The following MPP2 variants were observed in gnomAD, a reference collection of about 807,000 sequenced individuals.
The protein encoded by MPP2 is MAGUK p55 scaffold protein 2, also known as MAGUK p55 subfamily member 2.
In MPP2, 42 loss-of-function variants were observed where a neutral mutation model predicts 58.5. That is an observed-to-expected ratio of 0.72 (90% CI 0.56 to 0.93). The LOEUF (loss-of-function observed/expected upper bound fraction) is 0.93, where lower values mean the gene tolerates loss of function less well. MPP2 is among the 40% of genes least tolerant of loss of function. The probability of loss-of-function intolerance (pLI) is 0.00; values close to 1 mark genes in which losing one functional copy is unlikely to be tolerated. For synonymous variants in MPP2, 300 were observed against 307.8 expected, an observed-to-expected ratio of 0.97 and a Z score of 0.26; for missense variants, 632 against 760.4, an observed-to-expected ratio of 0.83 and a Z score of 1.99.
chr17:43,900,293 C>CGTCA (rs367703015), intron 2 of MPP2, among the ~76,000 whole-genome samples: 28 of 152,294 alleles, frequency 1.8e-4, no homozygotes, highest in African/African-American at 6.5e-4. Flanking sequence ...AGATTCCCTC[C>CGTCA]GTTATCTAGG....
chr17:43,879,763 A>G lies in MPP2; in HGVS notation c.1353+19T>C. 6.2e-7 allele frequency: 1 copy of G among 1,612,434 alleles called. No individual in the cohort carries two copies. Among genetic ancestry groups the G allele is most frequent in the Non-Finnish European group, 8.5e-7 (1 of 1,179,718 alleles). ...AGAGAGGACATTGGGCAGGCTGGGA[A>G]GGAGCAGAGTGGCGGTACCTGGGGG... is the stretch of plus-strand genomic sequence containing the variant. On this transcript the variant is annotated intron_variant, in intron 11 of 12. Coordinates refer to ENST00000269095, the MANE Select transcript of MPP2 (RefSeq NM_005374.5). The surrounding 1 kb of genome is among the most constrained non-coding windows in gnomAD (Gnocchi z 4.1).
rs748634885 is a variant in MPP2, at chr17:43,882,488, G to A, written c.477C>T (p.Gly159=). The change falls in exon 6 of 13, where the codon GGC becomes GGT. Residue 159 remains glycine, a synonymous_variant. Transcript: ENST00000269095. The stretch of plus-strand genomic sequence containing the variant: ...GAATGCGCGCGATCACCAGCTCGCC[G>A]CCCTCCACGCGGAACGTTACACCCT... ...EHLGVTFRVE[G]GELVIARILH... 13 of 1,604,672 alleles carry A rather than the reference G, an allele frequency of 8.1e-6. No individual in the cohort carries two copies. The highest frequency in any genetic ancestry group is 5.5e-5 in the South Asian group (5 of 91,074).
At chr17:43,898,218 C>T (rs757166666) in intron 3 of MPP2, 44 bp downstream of exon 3, 17 of 1,473,500 alleles carry the variant, frequency 1.2e-5, no homozygotes, top group Non-Finnish European at 1.6e-5. Flanking sequence ...ACTGTGCCTC[C>T]CCAAGCACAG....
chr17:43,877,711 G>C lies in MPP2; in HGVS notation c.*96C>G. On this transcript the variant is annotated 3_prime_UTR_variant, in exon 13 of 13. Coordinates refer to ENST00000269095, the MANE Select transcript of MPP2 (RefSeq NM_005374.5). ...TTACCCAAGGACAGCCAGATATGGG[G>C]GCTAAGGATTGTGGCAGGGGGTCAC... The C allele has an allele frequency of 9.1e-7, 1 of 1,095,840 alleles. No homozygotes were observed. Among genetic ancestry groups the C allele is most frequent in the Non-Finnish European group, 1.4e-6 (1 of 737,210 alleles). The allele number at this position is 1,095,840 out of a possible 1,614,324, so 67.9% of individuals were successfully genotyped here.
At chr17:43,886,120 T>A (rs1042127051) in intron 3 of MPP2, among the ~76,000 whole-genome samples, 4 of 151,266 alleles carry the variant, frequency 2.6e-5, no homozygotes, top group African/African-American at 7.3e-5. Flanking sequence ...AAAAAAAAAA[T>A]TAAATAAATA....
chr17:43,904,456 G>A lies in MPP2; in HGVS notation c.5C>T (p.Pro2Leu), dbSNP rs146765164. MPVAATNSETAM... is the reference protein window; with the variant it reads MLVAATNSETAM... ...AGTTTCAGAGTTGGTGGCGGCAACCGGCATGGTGAAGGAGGCAAGGGCTCT... is the reference window on the plus strand; with the variant it reads ...AGTTTCAGAGTTGGTGGCGGCAACCAGCATGGTGAAGGAGGCAAGGGCTCT... The change falls in exon 2 of 13, where the codon CCG becomes CTG. Residue 2 changes from proline (P) to leucine (L), a missense_variant. Transcript: ENST00000269095. The A allele has an allele frequency of 3.3e-5, 53 of 1,613,874 alleles. No homozygotes were observed. The highest frequency in any genetic ancestry group is 2.3e-4 in the South Asian group (21 of 91,068).
In MPP2 at chr17:43,904,614, TG is replaced by T. The variant is rs545942811; in HGVS notation, c.-33-122del. 2,848 of 747,284 alleles carry T rather than the reference TG, an allele frequency of 3.8e-3. 12 individuals are homozygous for T. Among genetic ancestry groups the T allele is most frequent in the East Asian group, 9.1e-3 (328 of 35,930 alleles). The allele number at this position is 747,284 out of a possible 1,614,324, so 46.3% of individuals were successfully genotyped here. A position where few individuals can be genotyped will look rare whatever the true frequency, so the allele number is the denominator to read the frequency against. On this transcript the variant is annotated intron_variant, in intron 1 of 12. Coordinates refer to ENST00000269095, the MANE Select transcript of MPP2 (RefSeq NM_005374.5). ...AGGGGAGAAGGTGCTGCCCAGAAAG[TG>T]GGGGTTGGAGAACAACAATGATTCC...
rs769974230 is a variant in MPP2 at position 43,880,019 on chromosome 17, AG to A, written c.1151-36del. On this transcript the variant is annotated intron_variant, in intron 10 of 12. Coordinates refer to ENST00000269095, the MANE Select transcript of MPP2 (RefSeq NM_005374.5). The surrounding 1 kb of genome is among the most constrained non-coding windows in gnomAD (Gnocchi z 5.2). ...TGGGGGTAGGTTGGACCAAATGGGCAGGGGCAGGTTACAGTGCCTCAGACAC... is the reference window on the plus strand; with the variant it reads ...TGGGGGTAGGTTGGACCAAATGGGCAGGGCAGGTTACAGTGCCTCAGACAC... 6.2e-7 allele frequency: 1 copy of A among 1,608,264 alleles called. No individual in the cohort carries two copies. The highest frequency in any genetic ancestry group is 8.5e-7 in the Non-Finnish European group (1 of 1,175,224).
intron 3 of MPP2, among the ~76,000 whole-genome samples, chr17:43,895,610 C>A (rs1227688621): frequency 6.6e-6 from 1 of 152,146 alleles, no homozygotes; most frequent in Non-Finnish European, 1.5e-5. Context: ...ATCAAAAAGA[C>A]AAACATTCCT....
chr17:43,905,088 G>A (rs1460804281), intron 1 of MPP2, among the ~76,000 whole-genome samples: 4 of 151,564 alleles, frequency 2.6e-5, no homozygotes, highest in Non-Finnish European at 5.9e-5. Context: ...GAGGCAGGGG[G>A]ATCTCTTGAG....
intron 2 of MPP2, among the ~76,000 whole-genome samples, chr17:43,903,872 G>A (rs894672038): frequency 1.3e-5 from 2 of 152,196 alleles, no homozygotes; most frequent in African/African-American, 4.8e-5. Flanking sequence ...GTTTGTCTGA[G>A]TGGCCCACTC....
chr17:43,880,399 G>A lies in MPP2; in HGVS notation c.1150+292C>T, dbSNP rs1407321020. 2.0e-5 allele frequency among the ~76,000 whole-genome samples: 3 copies of A among 152,182 alleles called. No homozygotes were observed. The highest frequency in any genetic ancestry group is 4.1e-4 in the South Asian group (2 of 4,832). ...ATGCAGCTCGTAGCCTGTTTCACCC[G>A]GGTGCACAGCTGGGCACTCACTTTC... On this transcript the variant is annotated intron_variant, in intron 10 of 12. Coordinates refer to ENST00000269095, the MANE Select transcript of MPP2 (RefSeq NM_005374.5). This position sits in a 1 kb window ranked among gnomAD's most constrained non-coding sequence, Gnocchi z 5.2.
At chr17:43,898,565 G>A (rs2047952685) in intron 2 of MPP2, among the ~76,000 whole-genome samples, 185 bp from the exon 3 acceptor site, 1 of 152,174 alleles carries the variant, frequency 6.6e-6, no homozygotes, top group African/African-American at 2.4e-5. Context: ...CAGGGATCCT[G>A]GAGGAAGGGG....
chr17:43,880,767 A>C lies in MPP2; in HGVS notation c.1074T>G (p.Ala358=). 1 of 1,614,032 alleles carries C rather than the reference A, an allele frequency of 6.2e-7. No individual in the cohort carries two copies. The highest frequency in any genetic ancestry group is 8.5e-7 in the Non-Finnish European group (1 of 1,179,936). The change falls in exon 10 of 13, where the codon GCT becomes GCG. Residue 358 remains alanine, a synonymous_variant. Transcript: ENST00000269095. This position sits in a 1 kb window ranked among gnomAD's most constrained non-coding sequence, Gnocchi z 5.2. ...FRRKTLVLIG[A]QGVGRRSLKN... ...TCAGGCTGCGCCGTCCCACGCCCTG[A>C]GCCCCAATCAGTACCAGGGTTTTCC...
At chr17:43,909,541 C>T (rs1266703806), upstream of MPP2, 16 of 1,435,794 alleles carry the variant, frequency 1.1e-5, no homozygotes, top group East Asian at 3.3e-4. Context: ...GCAATTATTA[C>T]CTCCATAGCG....
chr17:43,904,102 G>A (rs73304634), intron 2 of MPP2, among the ~76,000 whole-genome samples: 1 of 152,296 alleles, frequency 6.6e-6, no homozygotes, highest in African/African-American at 2.4e-5. Flanking sequence ...GCCACCTCCT[G>A]AAGGCCTGGT....
intron 3 of MPP2, among the ~76,000 whole-genome samples, chr17:43,888,596 G>GCT (rs1218335051): frequency 6.6e-6 from 1 of 152,248 alleles, no homozygotes; most frequent in Non-Finnish European, 1.5e-5. Flanking sequence ...ACAGGAGCCA[G>GCT]CTCTGGCACA....
intron 2 of MPP2, chr17:43,900,640 G>C (rs1037271660): frequency 2.1e-6 from 3 of 1,443,754 alleles, no homozygotes; most frequent in African/African-American, 2.9e-5. Context: ...GGCTGGGGAA[G>C]GCGGGAGTCG....
chr17:43,899,600 T>C (rs926504534), intron 2 of MPP2, among the ~76,000 whole-genome samples: 32 of 152,016 alleles, frequency 2.1e-4, no homozygotes, highest in African/African-American at 6.0e-4. Context: ...TTAACATGGA[T>C]GATAGGAAGT....
Sources: allele counts gnomAD v4.1 joint callset (sites outside exome capture counted in the v4.1 genomes callset), GRCh38; gene constraint gnomAD v4.1.1; non-coding constraint Gnocchi (gnomAD v3.1); transcripts MANE v1.5; gene names NCBI Gene and HGNC (gene_info 2026-07-23, HGNC 2026-07-21).